HTATSF1: variants seen among roughly 807,000 people sequenced by gnomAD.
HTATSF1 encodes the protein HIV-1 Tat specific factor 1.
In HTATSF1, 6 loss-of-function variants were observed where a neutral mutation model predicts 46.1. The observed-to-expected ratio is 0.13, with a 90% CI of 0.07 to 0.26. The LOEUF (loss-of-function observed/expected upper bound fraction) is 0.26, where lower values mean the gene tolerates loss of function less well. Among genes scored for constraint, HTATSF1 ranks in the 10% least tolerant of loss-of-function variants. The pLI is 1.00. For synonymous variants in HTATSF1, 226 were observed against 211.5 expected, an observed-to-expected ratio of 1.07 and a Z score of -0.60; for missense variants, 452 against 559.9, an observed-to-expected ratio of 0.81 and a Z score of 1.94.
chrX:136,508,314 A>T (rs767934056), intron 6 of HTATSF1, among the ~76,000 whole-genome samples: 1 of 112,330 alleles, frequency 8.9e-6, no homozygotes, highest in Non-Finnish European at 1.9e-5. Context: ...CAAGCTGATA[A>T]TGTAGCTTTT....
At chrX:136,510,035 T>A (rs768883893) in intron 7 of HTATSF1, 47 bp from the exon 8 acceptor site, 22 of 1,140,194 alleles carry the variant, frequency 1.9e-5, no homozygotes, top group Non-Finnish European at 2.6e-5. Flanking sequence ...TGTGTTTTAT[T>A]TTTAATCTTA....
intron 6 of HTATSF1, 45 bp downstream of exon 6, chrX:136,504,508 T>C (rs1417450924): frequency 1.9e-6 from 2 of 1,032,076 alleles, no homozygotes; most frequent in African/African-American, 3.7e-5. Flanking sequence ...ATAGGCTTTT[T>C]TTCTCTCAAG....
chrX:136,512,005 G>A lies in HTATSF1; in HGVS notation c.2260G>A (p.Asp754Asn). The A allele has an allele frequency of 8.3e-7, 1 of 1,200,805 alleles. No individual in the cohort carries two copies. The highest frequency in any genetic ancestry group is 1.1e-6 in the Non-Finnish European group (1 of 890,370). The change falls in exon 9 of 9, where the codon GAT becomes AAT. Residue 754 changes from aspartate (D) to asparagine (N), a missense_variant. Physicochemically the swap from Asp to Asn is conservative, Grantham distance 23 (BLOSUM62 1). Transcript: ENST00000218364. ...TCTCAGTAGCGATGATGATGACGAT[G>A]ATATTTAATCCCTTAAACTTGCTTT... ...FILSSDDDDDDI is the reference protein window; with the variant it reads ...FILSSDDDDDNI
intron 2 of HTATSF1, 70 bp downstream of exon 2, chrX:136,499,848 T>G: frequency 1.2e-6 from 1 of 807,613 alleles, no homozygotes; most frequent in Admixed American, 3.8e-5. Flanking sequence ...GTACAGTTGC[T>G]TTTTCGAGAA....
At chrX:136,508,279 T>C (rs1218423560) in intron 6 of HTATSF1, among the ~76,000 whole-genome samples, 1 of 112,421 alleles carries the variant, frequency 8.9e-6, no homozygotes, top group Non-Finnish European at 1.9e-5. Flanking sequence ...GATATCTTCA[T>C]TTATATTTGT....
At chrX:136,509,219 A>AATTCCTCCAC in intron 7 of HTATSF1, 39 bp downstream of exon 7, 1 of 951,487 alleles carries the variant, frequency 1.1e-6, no homozygotes. Context: ...CTAAAGCAAT[A>AATTCCTCCAC]ATTCCTCCAC....
intron 6 of HTATSF1, among the ~76,000 whole-genome samples, chrX:136,508,197 T>G (rs1161621025): frequency 8.9e-6 from 1 of 112,391 alleles, no homozygotes; most frequent in African/African-American, 3.2e-5. Context: ...AATGAAAGCG[T>G]GTAAGAAAGA....
chrX:136,503,359 G>T (rs1470488866), intron 5 of HTATSF1, among the ~76,000 whole-genome samples: 1 of 112,165 alleles, frequency 8.9e-6, no homozygotes, highest in African/African-American at 3.2e-5. Context: ...GTAGTTGTAT[G>T]TAGTATATAC....
intron 4 of HTATSF1, among the ~76,000 whole-genome samples, chrX:136,501,715 G>A (rs900085699): frequency 8.9e-6 from 1 of 112,187 alleles, no homozygotes; most frequent in Non-Finnish European, 1.9e-5. Context: ...ATTCCAGTGA[G>A]ATCAGAAGAG....
At position 136,511,564 on chromosome X, in the gene HTATSF1, T is replaced by C; in HGVS notation, c.1819T>C (p.Ser607Pro). 1 of 1,210,992 alleles carries C rather than the reference T, an allele frequency of 8.3e-7. No individual in the cohort carries two copies. Among genetic ancestry groups the C allele is most frequent in the South Asian group, 1.8e-5 (1 of 56,819 alleles). The change falls in exon 9 of 9, where the codon TCT becomes CCT. Residue 607 changes from serine (S) to proline (P), a missense_variant. Ser to Pro is a moderately conservative substitution (Grantham distance 74, BLOSUM62 -1). Coordinates refer to ENST00000218364, the MANE Select transcript of HTATSF1 (RefSeq NM_014500.5). ...SENSEFEDDG[S>P]EKVLDEEGSE... ...AAACTCCGAATTTGAAGATGACGGCTCTGAAAAAGTGTTAGATGAGGAAGG... is the reference window on the plus strand; with the variant it reads ...AAACTCCGAATTTGAAGATGACGGCCCTGAAAAAGTGTTAGATGAGGAAGG...
chrX:136,500,835 A>T lies in HTATSF1; in HGVS notation c.570+17A>T, dbSNP rs368168953. 304 of 1,062,096 alleles carry T rather than the reference A, an allele frequency of 2.9e-4. No individual in the cohort carries two copies. Among genetic ancestry groups the T allele is most frequent in the Non-Finnish European group, 3.6e-4 (295 of 810,075 alleles). The allele number at this position is 1,062,096 out of a possible 1,213,427, so 87.5% of individuals were successfully genotyped here. A position where few individuals can be genotyped will look rare whatever the true frequency, so the allele number is the denominator to read the frequency against. ...TATTTGAAAGTAAGTTGTATGATCA[A>T]ATAAGTTTCTTGTATCTTCGTTTTT... On this transcript the variant is annotated intron_variant, in intron 4 of 8. Coordinates refer to ENST00000218364, the MANE Select transcript of HTATSF1 (RefSeq NM_014500.5).
intron 6 of HTATSF1, among the ~76,000 whole-genome samples, chrX:136,505,458 T>G (rs1357270195): frequency 4.5e-5 from 5 of 112,137 alleles, no homozygotes; most frequent in African/African-American, 1.6e-4. Flanking sequence ...CTGGTTTATT[T>G]ATGAGATTGA....
At chrX:136,506,510 T>C (rs1399725577) in intron 6 of HTATSF1, among the ~76,000 whole-genome samples, 4 of 112,183 alleles carry the variant, frequency 3.6e-5, no homozygotes, top group African/African-American at 1.3e-4. Flanking sequence ...GCCCTTAATA[T>C]TTATGTGATG....
chrX:136,497,641 C>T lies in HTATSF1; in HGVS notation c.-44C>T. 1.8e-6 allele frequency: 2 copies of T among 1,087,299 alleles called. No homozygotes were observed. Among genetic ancestry groups the T allele is most frequent in the Non-Finnish European group, 2.5e-6 (2 of 806,723 alleles). 89.6% of individuals were successfully genotyped at this position (1,087,299 alleles called of 1,213,427 possible). ...CTGCTCAGCTCCAGCGTCATTTCGG[C>T]CTCTTAGTTCTTCTGAACCCTGCTC... On this transcript the variant is annotated 5_prime_UTR_variant, in exon 1 of 9. Coordinates refer to ENST00000218364, the MANE Select transcript of HTATSF1 (RefSeq NM_014500.5).
At position 136,511,998 on chromosome X, in the gene HTATSF1, T is replaced by C; in HGVS notation, c.2253T>C (p.Asp751=). 1.7e-6 allele frequency: 2 copies of C among 1,202,574 alleles called. No homozygotes were observed. The highest frequency in any genetic ancestry group is 2.2e-6 in the Non-Finnish European group (2 of 891,281). ...GCTTTATTCTCAGTAGCGATGATGA[T>C]GACGATGATATTTAATCCCTTAAAC... ...GSSFILSSDD[D]DDDI is the part of the protein sequence containing the mutation. The change falls in exon 9 of 9, where the codon GAT becomes GAC. Residue 751 remains aspartate, a synonymous_variant. Coordinates refer to ENST00000218364, the MANE Select transcript of HTATSF1 (RefSeq NM_014500.5).
chrX:136,510,272 A>G, intron 8 of HTATSF1, 53 bp downstream of exon 8: 1 of 1,112,347 alleles, frequency 9.0e-7, no homozygotes. Context: ...ACCAACAAAT[A>G]CTGATCCTTC....
In HTATSF1 at chrX:136,499,905, T is replaced by C. The variant is rs759628929; in HGVS notation, c.367+127T>C. ...AAGGTGAGTTTTTTCTTTAAGGTAG[T>C]GTCAGTTATAAAGAATCAAGATAAA... On this transcript the variant is annotated intron_variant, in intron 2 of 8. Transcript: ENST00000218364. 33 of 531,064 alleles carry C rather than the reference T, an allele frequency of 6.2e-5. No homozygotes were observed. The African/African-American group carries it at 7.0e-4, about 11-fold the overall frequency. The allele number at this position is 531,064 out of a possible 1,213,427, so 43.8% of individuals were successfully genotyped here.
chrX:136,509,797 G>A, intron 7 of HTATSF1, among the ~76,000 whole-genome samples: 1 of 112,240 alleles, frequency 8.9e-6, no homozygotes, highest in Middle Eastern at 4.6e-3. Context: ...TGACTTCAGA[G>A]TTTACACTCT....
At chrX:136,502,495 A>G (rs1160742850) in intron 4 of HTATSF1, among the ~76,000 whole-genome samples, 1 of 110,754 alleles carries the variant, frequency 9.0e-6, no homozygotes, top group Non-Finnish European at 1.9e-5. Flanking sequence ...TGATGAAGGT[A>G]TTAACTATTT....
Sources: gnomAD v4.1 joint callset for allele counts (sites outside exome capture counted in the v4.1 genomes callset) on GRCh38, gnomAD v4.1.1 for gene constraint, MANE v1.5 for transcripts, NCBI Gene and HGNC (gene_info 2026-07-23, HGNC 2026-07-21) for gene names.